FTSJ3: variants seen among roughly 807,000 people sequenced by gnomAD.
FTSJ3 encodes pre-rRNA 2'-O-ribose RNA methyltransferase FTSJ3.
A neutral mutation model predicts 111.5 loss-of-function variants in FTSJ3; 46 were observed. That is an observed-to-expected ratio of 0.41 (90% CI 0.33 to 0.53). The LOEUF (loss-of-function observed/expected upper bound fraction) is 0.53, where lower values mean the gene tolerates loss of function less well. FTSJ3 is among the 20% of genes least tolerant of loss of function. The pLI is 0.19. For synonymous variants in FTSJ3, 408 were observed against 383.0 expected, an observed-to-expected ratio of 1.07 and a Z score of -0.76; for missense variants, 1,075 against 1,063.8, an observed-to-expected ratio of 1.01 and a Z score of -0.15.
At position 63,827,222 on chromosome 17, in the gene FTSJ3, A is replaced by G; in HGVS notation, c.-197T>C. ...CTTGGGTTTTGTAAGTTGAAAGTTG[A>G]GACTAGGAAGGCATATCACAAGAAC... On this transcript the variant is annotated 5_prime_UTR_variant, in exon 1 of 21. Transcript: ENST00000427159. The G allele has an allele frequency of 1.7e-6, 1 of 605,420 alleles. No individual in the cohort carries two copies. Among genetic ancestry groups the G allele is most frequent in the East Asian group, 2.7e-5 (1 of 36,412 alleles). 37.5% of individuals were successfully genotyped at this position (605,420 alleles called of 1,614,324 possible).
In FTSJ3 at chr17:63,821,604, G is replaced by C; in HGVS notation, c.1636C>G (p.Leu546Val). 1 of 1,613,646 alleles carries C rather than the reference G, an allele frequency of 6.2e-7. No homozygotes were observed. Among genetic ancestry groups the C allele is most frequent in the Non-Finnish European group, 8.5e-7 (1 of 1,179,590 alleles). ...AGIEDDADEA[L>V]EISQAQLLFE... is the part of the protein sequence containing the mutation. The stretch of plus-strand genomic sequence containing the variant: ...AACAGCTGGGCCTGACTGATCTCCA[G>C]GGCCTCATCGGCATCGTCCTCGATC... Residue 546 changes from leucine (L) to valine (V), a missense_variant, in exon 16 of 21, where the codon CTG (leucine) becomes GTG (valine). This residue lies in a region of FTSJ3 where 867 missense variants were observed against 796.9 expected (regional missense o/e 1.09). Transcript: ENST00000427159.
In FTSJ3 at chr17:63,819,527, G is replaced by A; in HGVS notation, c.*275C>T. On this transcript the variant is annotated 3_prime_UTR_variant, in exon 21 of 21. Coordinates refer to ENST00000427159, the MANE Select transcript of FTSJ3 (RefSeq NM_017647.4). ...GTGTAGACTGACTACATTGAGTATC[G>A]CTCCAACACCGAACTTCCCTTTAAC... is the stretch of plus-strand genomic sequence containing the variant. 7.9e-6 allele frequency: 3 copies of A among 379,330 alleles called. No individual in the cohort carries two copies. The highest frequency in any genetic ancestry group is 9.6e-6 in the Non-Finnish European group (2 of 209,230). 23.5% of individuals were successfully genotyped at this position (379,330 alleles called of 1,614,324 possible). A position where few individuals can be genotyped will look rare whatever the true frequency, so the allele number is the denominator to read the frequency against.
In FTSJ3 at chr17:63,826,628, G is replaced by T. The variant is rs772138335; in HGVS notation, c.112C>A (p.Arg38Ser). The part of the protein sequence containing the change: ...SAFKLIQLNR[R>S]FQFLQKARAL... ...CGGGCTTTCTGCAGGAACTGAAAGC[G>T]GCGATTGAGCTGGATCAGCTTGAAA... is the stretch of plus-strand genomic sequence containing the variant. Residue 38 changes from arginine to serine, a missense_variant, in exon 3 of 21, where the codon CGC becomes AGC. Physicochemically the swap from Arg to Ser is moderately radical, Grantham distance 110. Around this residue, in one of 2 missense-constraint regions of FTSJ3, gnomAD observed 208 missense variants for 266.9 expected, o/e 0.78. Coordinates refer to ENST00000427159, the MANE Select transcript of FTSJ3 (RefSeq NM_017647.4). The T allele has an allele frequency of 3.1e-6, 5 of 1,614,012 alleles. No individual in the cohort carries two copies. Among genetic ancestry groups the T allele is most frequent in the Admixed American group, 1.7e-5 (1 of 60,010 alleles).
Position 63,827,443 on chromosome 17 carries a change from G to A in FTSJ3, c.-418C>T. The A allele has an allele frequency of 1.9e-6, 3 of 1,551,720 alleles. No homozygotes were observed. The highest frequency in any genetic ancestry group is 2.6e-6 in the Non-Finnish European group (3 of 1,146,986). On this transcript the variant is annotated 5_prime_UTR_variant, in exon 1 of 21. Transcript: ENST00000427159. The stretch of plus-strand genomic sequence containing the variant: ...GTCCCAATCCTCCGCTTCCGCGCTT[G>A]CGCGCCAAGACGGCTCGGATGCCGG...
At position 63,826,260 on chromosome 17, in the gene FTSJ3, A is replaced by G. The variant is rs1296529981; in HGVS notation, c.218T>C (p.Val73Ala). The change falls in exon 4 of 21, where the codon GTG becomes GCG. Residue 73 changes from valine to alanine, a missense_variant and splice_region_variant. Transcript: ENST00000427159. ...AAGGAGAGCTGTCCGTTACTCACCCACAATAAGGCTGGATACAGGCATAAA... is the reference window on the plus strand; with the variant it reads ...AAGGAGAGCTGTCCGTTACTCACCCGCAATAAGGCTGGATACAGGCATAAA... ...AKFMPVSSLI[V>A]GVDLVPIKPL... is the part of the protein sequence containing the mutation. 1 of 1,614,136 alleles carries G rather than the reference A, an allele frequency of 6.2e-7. No individual in the cohort carries two copies. Among genetic ancestry groups the G allele is most frequent in the South Asian group, 1.1e-5 (1 of 91,074 alleles).
rs758818019 is a variant in FTSJ3, at chr17:63,824,409, G to A, written c.920C>T (p.Ser307Leu). 6.8e-6 allele frequency: 11 copies of A among 1,613,824 alleles called. No homozygotes were observed. Among genetic ancestry groups the A allele is most frequent in the South Asian group, 4.4e-5 (4 of 91,050 alleles). ...AAGTTTTGTTCTCCAGTTTAGTAGC[G>A]ACCTGCCCCAGAGATACTATTACTG... is the stretch of plus-strand genomic sequence containing the variant. ...IRVLGRKELR[S>L]LLNWRTKLRR... Residue 307 changes from serine (S) to leucine (L), a missense_variant and splice_region_variant, in exon 11 of 21, where the codon TCG (serine) becomes TTG (leucine). Ser to Leu is a moderately radical substitution (Grantham distance 145, BLOSUM62 -2). Around this residue, in one of 2 missense-constraint regions of FTSJ3, gnomAD observed 867 missense variants for 796.9 expected, o/e 1.09. Transcript: ENST00000427159.
chr17:63,826,846 C>T lies in FTSJ3; in HGVS notation c.57G>A (p.Ala19=), dbSNP rs1323003612. The T allele has an allele frequency of 6.2e-7, 1 of 1,614,112 alleles. No individual in the cohort carries two copies. The highest frequency in any genetic ancestry group is 1.1e-5 in the South Asian group (1 of 91,086). Residue 19 remains alanine (A), a synonymous_variant, in exon 2 of 21, where the codon GCG becomes GCA. Coordinates refer to ENST00000427159, the MANE Select transcript of FTSJ3 (RefSeq NM_017647.4). The stretch of plus-strand genomic sequence containing the variant: ...CGAATCCGGACTCACCCGTCTCCTT[C>T]GCCAAGTGATAAAACTTGTCTCGTC... ...KSRRDKFYHL[A]KETGYRSRSA...
Position 63,820,458 on chromosome 17 carries a change from G to A in FTSJ3, c.2073-20C>T. ...GTGTACCTGAGTGGAAAGGACATCT[G>A]TCTAATATCCAACATTCCAGGCTTT... On this transcript the variant is annotated intron_variant, in intron 18 of 20. Coordinates refer to ENST00000427159, the MANE Select transcript of FTSJ3 (RefSeq NM_017647.4). 6.2e-7 allele frequency: 1 copy of A among 1,610,366 alleles called. No homozygotes were observed. Among genetic ancestry groups the A allele is most frequent in the Non-Finnish European group, 8.5e-7 (1 of 1,177,022 alleles).
rs1023320553 is a variant in FTSJ3, at chr17:63,820,451, G to A, written c.2073-13C>T. 6.2e-7 allele frequency: 1 copy of A among 1,613,168 alleles called. No homozygotes were observed. Among genetic ancestry groups the A allele is most frequent in the Non-Finnish European group, 8.5e-7 (1 of 1,179,394 alleles). ...ATTAAATGTGTACCTGAGTGGAAAG[G>A]ACATCTGTCTAATATCCAACATTCC... On this transcript the variant is annotated splice_polypyrimidine_tract_variant and intron_variant, in intron 18 of 20. Transcript: ENST00000427159.
In FTSJ3 at chr17:63,827,160, T is replaced by C; in HGVS notation, c.-135A>G. ...TCCCTGGCTCGAGGTTTTCCGCCAT[T>C]TTGAGTGTGGCCCTAGATTGTTCTC... On this transcript the variant is annotated 5_prime_UTR_variant, in exon 1 of 21. Transcript: ENST00000427159. The C allele has an allele frequency of 1.6e-6, 1 of 606,956 alleles. No homozygotes were observed. The highest frequency in any genetic ancestry group is 2.9e-6 in the Non-Finnish European group (1 of 342,828). The allele number at this position is 606,956 out of a possible 1,614,324, so 37.6% of individuals were successfully genotyped here.
Sources: gnomAD v4.1 joint callset for allele counts on GRCh38, gnomAD v4.1.1 for gene constraint, gnomAD v4.1.1 regional missense constraint, MANE v1.5 for transcripts, NCBI Gene and HGNC (gene_info 2026-07-23, HGNC 2026-07-21) for gene names.